The following IL4I1 variants were observed in gnomAD, a reference collection of about 807,000 sequenced individuals.
IL4I1 encodes the protein interleukin 4 induced 1, also known as L-amino-acid oxidase.
Under a neutral mutation model 29.7 loss-of-function variants are expected in IL4I1, and 24 were observed. The ratio of observed to expected loss-of-function variants is 0.81; its 90% CI spans 0.59 to 1.14. IL4I1 has a LOEUF of 1.14. Among genes scored for constraint, IL4I1 ranks in the 50% most tolerant of loss-of-function variants. The pLI is 0.00. For synonymous variants in IL4I1, 371 were observed against 352.5 expected (o/e 1.05, Z -0.59); for missense variants, 686 against 785.6 (o/e 0.87, Z 1.52).
chr19:49,900,236 A>G (rs1285062585), upstream of IL4I1, among the ~76,000 whole-genome samples: 2 of 152,198 alleles, frequency 1.3e-5, no homozygotes, highest in East Asian at 3.9e-4. Flanking sequence ...GTTTGAAGCA[A>G]TACATCAGAC....
intron 2 of IL4I1, among the ~76,000 whole-genome samples, chr19:49,913,869 C>A (rs1489760698): frequency 1.3e-5 from 2 of 152,130 alleles, no homozygotes; most frequent in African/African-American, 4.8e-5. Context: ...TTGAGGGAGC[C>A]ACAGGCGGAC....
rs745436864 is a variant in IL4I1 at position 49,896,187 on chromosome 19, G to A, written c.-22-5C>T. ...ACTCTCGGTGGGAGATGGTGTCTGG[G>A]GTGGAGGAGAAGGGAGGGCTGTTGT... On this transcript the variant is annotated splice_region_variant and splice_polypyrimidine_tract_variant and intron_variant, in intron 1 of 7. Coordinates refer to ENST00000391826, the MANE Select transcript of IL4I1 (RefSeq NM_152899.2). The A allele has an allele frequency of 6.1e-6, 9 of 1,484,326 alleles. No individual in the cohort carries two copies. In the African/African-American group the frequency reaches 1.4e-4, roughly 23 times the overall value. 91.9% of individuals were successfully genotyped at this position (1,484,326 alleles called of 1,614,324 possible).
rs759061477 is a variant in IL4I1, at chr19:49,891,405, C to G, written c.636G>C (p.Leu212Phe). ...AMKKFERHTL[L>F]EYLLGEGNLS... ...CAGCAGAACCAAGATCCCCACTTAC[C>G]AAGAGCGTGTGCCTTTCAAACTTCT... Residue 212 changes from leucine to phenylalanine, a missense_variant and splice_region_variant, in exon 6 of 8, where the codon TTG becomes TTC. Coordinates refer to ENST00000391826, the MANE Select transcript of IL4I1 (RefSeq NM_152899.2). 1 of 1,614,052 alleles carries G rather than the reference C, an allele frequency of 6.2e-7. No homozygotes were observed. Among genetic ancestry groups the G allele is most frequent in the East Asian group, 2.2e-5 (1 of 44,880 alleles).
chr19:49,922,539 G>A (rs994157548), intron 2 of IL4I1, among the ~76,000 whole-genome samples: 2 of 151,898 alleles, frequency 1.3e-5, no homozygotes, highest in Non-Finnish European at 2.9e-5. Context: ...GGAGACTCTT[G>A]GAATGAGGGC....
chr19:49,896,794 G>C (rs2075217284), intron 1 of IL4I1, 41 bp downstream of exon 1: 1 of 978,386 alleles, frequency 1.0e-6, no homozygotes, highest in Admixed American at 6.1e-5. Context: ...ATTTCTGTGG[G>C]TCCTGTCTCT....
intron 2 of IL4I1, among the ~76,000 whole-genome samples, chr19:49,926,246 A>C (rs2075885907): frequency 6.8e-6 from 1 of 147,572 alleles, no homozygotes; most frequent in African/African-American, 2.5e-5. Context: ...GTCTTGCTTA[A>C]GACTGGGTGT....
In IL4I1 at chr19:49,908,125, TGAAA is replaced by T; in HGVS notation, c.-227-3808_-227-3805del. On this transcript the variant is annotated intron_variant, in intron 2 of 9. Coordinates refer to the IL4I1 transcript ENST00000341114. ...AGCGATCATGTCAAGGGCAGTCATGTGAAAGAAAGAAACAAACAAACAAGTATCT... is the reference window on the plus strand; with the variant it reads ...AGCGATCATGTCAAGGGCAGTCATGTGAAAGAAACAAACAAACAAGTATCT... 6 of 1,519,188 alleles carry T rather than the reference TGAAA, an allele frequency of 3.9e-6. No homozygotes were observed. The African/African-American group carries it at 4.1e-5, about 10-fold the overall frequency. The allele number at this position is 1,519,188 out of a possible 1,614,324, so 94.1% of individuals were successfully genotyped here.
In IL4I1 at chr19:49,891,531, G is replaced by C. The variant is rs1267216685; in HGVS notation, c.568-58C>G. On this transcript the variant is annotated intron_variant, in intron 5 of 7. Coordinates refer to ENST00000391826, the MANE Select transcript of IL4I1 (RefSeq NM_152899.2). ...TGCCCGGGCAGCCAGGGTGGAGGCCGGGCCTGGAGCCCACACTCGGCTTCT... is the reference window on the plus strand; with the variant it reads ...TGCCCGGGCAGCCAGGGTGGAGGCCCGGCCTGGAGCCCACACTCGGCTTCT... 4.1e-6 allele frequency: 6 copies of C among 1,473,418 alleles called. No homozygotes were observed. In the African/African-American group the frequency reaches 8.3e-5, roughly 20 times the overall value. The allele number at this position is 1,473,418 out of a possible 1,614,324, so 91.3% of individuals were successfully genotyped here.
intron 2 of IL4I1, among the ~76,000 whole-genome samples, chr19:49,923,759 G>A (rs778710825): frequency 6.6e-6 from 1 of 152,258 alleles, no homozygotes; most frequent in South Asian, 2.1e-4. Flanking sequence ...GGGAAACTGA[G>A]TCATAGAAAG....
chr19:49,908,584 G>A lies in IL4I1; in HGVS notation c.-227-4263C>T, dbSNP rs1189639039. ...GCTCCTTGACCAACTCCTCCAGTGG[G>A]CTCAGCAGGTCTTCCAGCTCCTTCT... On this transcript the variant is annotated intron_variant, in intron 2 of 9. Transcript: ENST00000341114. 1.2e-6 allele frequency: 2 copies of A among 1,614,098 alleles called. No homozygotes were observed. Among genetic ancestry groups the A allele is most frequent in the South Asian group, 1.1e-5 (1 of 91,090 alleles).
chr19:49,909,875 G>C (rs2075419220), intron 2 of IL4I1: 1 of 1,539,694 alleles, frequency 6.5e-7, no homozygotes, highest in African/African-American at 1.4e-5. Flanking sequence ...CTGCAGCCTT[G>C]GGAAGATTTC....
Position 49,896,061 on chromosome 19 carries a change from G to A in IL4I1, c.14-8C>T, listed in dbSNP as rs1218966807. On this transcript the variant is annotated splice_region_variant and splice_polypyrimidine_tract_variant and intron_variant, in intron 2 of 7. Transcript: ENST00000391826. ...GGACGAGGAGGTGCAGGGCTGGGAG[G>A]AGGAGGACAGGGTCAACGGGGTTGT... The A allele has an allele frequency of 5.6e-6, 9 of 1,612,884 alleles. No individual in the cohort carries two copies. Among genetic ancestry groups the A allele is most frequent in the East Asian group, 2.2e-5 (1 of 44,826 alleles).
chr19:49,898,466 C>A (rs1406187032), upstream of IL4I1, among the ~76,000 whole-genome samples: 3 of 152,220 alleles, frequency 2.0e-5, no homozygotes, highest in Non-Finnish European at 4.4e-5. Flanking sequence ...TGGCGAAACC[C>A]TTTCTCTAAA....
At chr19:49,909,586 G>A (rs2075409743) in intron 2 of IL4I1, 1 of 1,614,196 alleles carries the variant, frequency 6.2e-7, no homozygotes, top group African/African-American at 1.3e-5. Context: ...TTCCAAAAGT[G>A]AAGCCTGTCG....
intron 2 of IL4I1, among the ~76,000 whole-genome samples, chr19:49,920,027 G>A (rs1258642409): frequency 1.3e-5 from 2 of 151,964 alleles, no homozygotes; most frequent in Non-Finnish European, 2.9e-5. Context: ...GGGCTCCAGT[G>A]GGCCTCCCAC....
chr19:49,895,698 T>TGCCCCCCCCACCCCCCCCCCCCC, intron 3 of IL4I1, 117 bp downstream of exon 3: 4 of 705,418 alleles, frequency 5.7e-6, no homozygotes, highest in East Asian at 3.3e-5. Flanking sequence ...AGATAGCCTC[T>TGCCCCCCCCACCCCCCCCCCCCC]CCCCCCACAT....
chr19:49,920,713 C>T (rs545760363), intron 2 of IL4I1, among the ~76,000 whole-genome samples: 2 of 152,286 alleles, frequency 1.3e-5, no homozygotes, highest in South Asian at 4.1e-4. Context: ...TGAGAACAGG[C>T]TGGGGAAGAG....
At chr19:49,906,208 A>C (rs2075320924) in intron 2 of IL4I1, among the ~76,000 whole-genome samples, 1 of 146,686 alleles carries the variant, frequency 6.8e-6, no homozygotes, top group South Asian at 2.1e-4. Context: ...AGATGACTTA[A>C]CATGTGTGTA....
chr19:49,907,181 C>T, intron 2 of IL4I1: 1 of 174,846 alleles, frequency 5.7e-6, no homozygotes, highest in South Asian at 1.0e-4. Flanking sequence ...AGACGAGGCA[C>T]AAACGGCTAG....
Sources: gnomAD v4.1 joint callset for allele counts (sites outside exome capture counted in the v4.1 genomes callset) on GRCh38, gnomAD v4.1.1 for gene constraint, MANE v1.5 for transcripts, NCBI Gene and HGNC (gene_info 2026-07-23, HGNC 2026-07-21) for gene names.